The following CFAP57 variants were observed in gnomAD, a reference collection of about 807,000 sequenced individuals.
The protein encoded by CFAP57 is cilia and flagella associated protein 57.
A neutral mutation model predicts 146.8 loss-of-function variants in CFAP57; 116 were observed. The ratio of observed to expected loss-of-function variants is 0.79; its 90% CI spans 0.68 to 0.92. CFAP57 has a LOEUF of 0.92. CFAP57 is among the 40% of genes least tolerant of loss of function. The pLI is 0.00. For missense variants in CFAP57, 1,377 were observed against 1,527.2 expected (o/e 0.90, Z 1.64); for synonymous variants, 518 against 552.8 (o/e 0.94, Z 0.88).
intron 6 of CFAP57, chr1:43,194,728 C>A (rs1372640401): frequency 6.6e-6 from 1 of 152,130 alleles, no homozygotes; most frequent in Non-Finnish European, 1.5e-5. Context: ...TTCTTGAGCA[C>A]CTCTAGTGGA....
Position 43,181,771 on chromosome 1 carries a change from A to C in CFAP57, c.395A>C (p.Asn132Thr), listed in dbSNP as rs1162188717. 6.2e-7 allele frequency: 1 copy of C among 1,614,202 alleles called. No homozygotes were observed. Among genetic ancestry groups the C allele is most frequent in the Admixed American group, 1.7e-5 (1 of 60,026 alleles). The change falls in exon 3 of 23, where the codon AAT becomes ACT. Residue 132 changes from asparagine to threonine, a missense_variant. Coordinates refer to ENST00000372492, the MANE Select transcript of CFAP57 (RefSeq NM_001378189.1). ...GCTCAGACGTCACCTCCAGAGTCAA[A>C]TCTTGTCTACTGGCTGTGGGAAAAA... ...LLAQTSPPES[N>T]LVYWLWEKQK...
chr1:43,185,494 A>G, intron 5 of CFAP57, 138 bp downstream of exon 5: 1 of 797,292 alleles, frequency 1.3e-6, no homozygotes, highest in Non-Finnish European at 2.1e-6. Context: ...TGGTGACTCG[A>G]GATGTCTGTC....
intron 11 of CFAP57, chr1:43,210,262 G>T: frequency 1.4e-6 from 2 of 1,468,536 alleles, no homozygotes; most frequent in Non-Finnish European, 1.8e-6. Flanking sequence ...GCCCCAGACT[G>T]AAAGGAGCCA....
In CFAP57 at chr1:43,221,131, CATT is replaced by C. The variant is rs562203720; in HGVS notation, c.2248-240_2248-238del. 2.3e-4 allele frequency among the ~76,000 whole-genome samples: 35 copies of C among 152,326 alleles called. 1 individual carries two copies. In the South Asian group the frequency reaches 6.4e-3, roughly 28 times the overall value. On this transcript the variant is annotated intron_variant, in intron 13 of 22. Coordinates refer to ENST00000372492, the MANE Select transcript of CFAP57 (RefSeq NM_001378189.1). Reference sequence around the variant, plus strand: ...GACACGTGTCCAAAACTGAACTCATCATTGACAAACCCATTTAGTAGCAAGAAT... The same window carrying C: ...GACACGTGTCCAAAACTGAACTCATCGACAAACCCATTTAGTAGCAAGAAT...
At chr1:43,184,079 A>G (rs1557734216) in intron 4 of CFAP57, among the ~76,000 whole-genome samples, 1 of 152,180 alleles carries the variant, frequency 6.6e-6, no homozygotes, top group Non-Finnish European at 1.5e-5. Context: ...AATTCTTTTT[A>G]TTTTTTATAC....
At chr1:43,206,591 A>T in intron 9 of CFAP57, 129 bp from the exon 10 acceptor site, 1 of 833,852 alleles carries the variant, frequency 1.2e-6, no homozygotes, top group Non-Finnish European at 2.0e-6. Context: ...TTGTGCTAAC[A>T]GAAGGGCCTA....
intron 18 of CFAP57, 47 bp from the exon 19 acceptor site, chr1:43,232,461 A>G (rs1645510718): frequency 6.7e-7 from 1 of 1,489,678 alleles, no homozygotes; most frequent in South Asian, 1.2e-5. Flanking sequence ...TACAGTTTTC[A>G]TTATCTAACT....
In CFAP57 at chr1:43,208,467, A is replaced by C. The variant is rs1437285240; in HGVS notation, c.1756-1276A>C. On this transcript the variant is annotated intron_variant, in intron 10 of 22. Transcript: ENST00000372492. ...CACCATGGAATACTATGCAGCCATA[A>C]AAAAGGATGAGTTCATGTCCTTTGT... 3.3e-5 allele frequency among the ~76,000 whole-genome samples: 5 copies of C among 152,360 alleles called. No homozygotes were observed. The South Asian group carries it at 1.0e-3, about 32-fold the overall frequency.
intron 14 of CFAP57, among the ~76,000 whole-genome samples, chr1:43,221,739 C>T (rs542803838): frequency 3.9e-5 from 6 of 152,304 alleles, no homozygotes; most frequent in East Asian, 1.9e-4. Context: ...AGGCTCACCA[C>T]GTACTTGCCA....
chr1:43,174,555 T>C (rs1645097738), intron 2 of CFAP57, among the ~76,000 whole-genome samples: 1 of 152,176 alleles, frequency 6.6e-6, no homozygotes, highest in Admixed American at 6.5e-5. Context: ...TGGTGGCTCA[T>C]GCCTGTAATT....
At chr1:43,213,512 C>A (rs55805863) in intron 11 of CFAP57, among the ~76,000 whole-genome samples, 46 of 145,008 alleles carry the variant, frequency 3.2e-4, no homozygotes, top group Non-Finnish European at 3.9e-4. Context: ...ATGGGGGGGG[C>A]GGTGGAGCGC....
intron 22 of CFAP57, among the ~76,000 whole-genome samples, chr1:43,245,326 C>A (rs371843133): frequency 1.4e-3 from 192 of 142,078 alleles, no homozygotes; most frequent in Admixed American, 1.5e-3. Flanking sequence ...GACCCTGTCT[C>A]AAAAAAAAAA....
At chr1:43,188,879 T>C (rs1643318979) in intron 6 of CFAP57, among the ~76,000 whole-genome samples, 1 of 152,240 alleles carries the variant, frequency 6.6e-6, no homozygotes, top group Non-Finnish European at 1.5e-5. Flanking sequence ...AAGAGTTTCA[T>C]AGTGCTAGCT....
At position 43,222,233 on chromosome 1, in the gene CFAP57, C is replaced by T. The variant is rs1645073662; in HGVS notation, c.2470C>T (p.Leu824=). 3.3e-6 allele frequency: 5 copies of T among 1,501,186 alleles called. No homozygotes were observed. The highest frequency in any genetic ancestry group is 4.5e-6 in the Non-Finnish European group (5 of 1,123,578). The allele number at this position is 1,501,186 out of a possible 1,614,324, so 93.0% of individuals were successfully genotyped here. Residue 824 remains leucine (L), a synonymous_variant, in exon 15 of 23, where the codon CTG becomes TTG. Coordinates refer to ENST00000372492, the MANE Select transcript of CFAP57 (RefSeq NM_001378189.1). ...RDNDETKSQA[L]EELTEFYEAK... Reference sequence around the variant, plus strand: ...TAACGATGAGACCAAGAGCCAGGCCCTGGAGGAGCTGACTGAGTTTTACGA... The same window carrying T: ...TAACGATGAGACCAAGAGCCAGGCCTTGGAGGAGCTGACTGAGTTTTACGA...
rs1443978300 is a variant in CFAP57, at chr1:43,231,543, G to A, written c.3010-965G>A. Among the ~76,000 whole-genome samples the A allele has an allele frequency of 1.3e-5, 2 of 152,046 alleles. 1 individual carries two copies. The highest frequency in any genetic ancestry group is 3.9e-4 in the East Asian group (2 of 5,184). Reference sequence around the variant, plus strand: ...TCCCATGACTTTGGTTAATATAAATGCAAAAATGAATTTTTAAAAAATCTT... The same window carrying A: ...TCCCATGACTTTGGTTAATATAAATACAAAAATGAATTTTTAAAAAATCTT... On this transcript the variant is annotated intron_variant, in intron 18 of 22. Transcript: ENST00000372492.
intron 15 of CFAP57, 30 bp from the exon 16 acceptor site, chr1:43,222,794 C>G (rs993534618): frequency 2.6e-6 from 4 of 1,510,992 alleles, no homozygotes; most frequent in Non-Finnish European, 3.5e-6. Flanking sequence ...CCCTTCTCCC[C>G]TGACCACACG....
In CFAP57 at chr1:43,172,750, G is replaced by T; in HGVS notation, c.-4G>T. On this transcript the variant is annotated 5_prime_UTR_variant, in exon 2 of 23. Coordinates refer to ENST00000372492, the MANE Select transcript of CFAP57 (RefSeq NM_001378189.1). ...TCTTCAGCAGAACTGTTTGGCGGGA[G>T]ATCATGTCAGCCGTGGTAGCTCAGA... The T allele has an allele frequency of 6.2e-7, 1 of 1,614,056 alleles. No individual in the cohort carries two copies. The highest frequency in any genetic ancestry group is 8.5e-7 in the Non-Finnish European group (1 of 1,180,002).
chr1:43,190,389 G>C (rs1450235206), intron 6 of CFAP57, among the ~76,000 whole-genome samples: 1 of 148,844 alleles, frequency 6.7e-6, no homozygotes, highest in Non-Finnish European at 1.5e-5. Flanking sequence ...TCCTGCCTCA[G>C]ACTCCCGAGT....
At chr1:43,197,501 C>A in intron 6 of CFAP57, 52 bp from the exon 7 acceptor site, 1 of 1,613,210 alleles carries the variant, frequency 6.2e-7, no homozygotes, top group Non-Finnish European at 8.5e-7. Context: ...CTGACATGTA[C>A]AGCCAGCCTT....
Sources: allele counts gnomAD v4.1 joint callset (sites outside exome capture counted in the v4.1 genomes callset), GRCh38; gene constraint gnomAD v4.1.1; transcripts MANE v1.5; gene names NCBI Gene and HGNC (gene_info 2026-07-23, HGNC 2026-07-21).